The following KIF26B variants were observed in gnomAD, a reference collection of about 807,000 sequenced individuals.
KIF26B encodes kinesin family member 26B, also known as kinesin-like protein KIF26B.
Under a neutral mutation model 151.2 loss-of-function variants are expected in KIF26B, and 63 were observed. That is an observed-to-expected ratio of 0.42 (90% confidence interval 0.34 to 0.51). The LOEUF (loss-of-function observed/expected upper bound fraction) is 0.51. KIF26B is among the 20% of genes least tolerant of loss of function. KIF26B has a pLI of 0.07. For synonymous variants in KIF26B, 1,357 were observed against 1,262.1 expected, an observed-to-expected ratio of 1.08 and a Z score of -1.59; for missense variants, 2,813 against 2,913.6, an observed-to-expected ratio of 0.97 and a Z score of 0.79.
Position 245,407,044 on chromosome 1 carries a change from T to C in KIF26B, c.1000-12535T>C, listed in dbSNP as rs566345858. On this transcript the variant is annotated intron_variant, in intron 3 of 14. Transcript: ENST00000407071. ...CTCAAGTGATCTGCCTGCCTTGGCC[T>C]CCCAAAGTGCTGGGATGACAGGTGT... is the stretch of plus-strand genomic sequence containing the variant. 1.6e-4 allele frequency among the ~76,000 whole-genome samples: 25 copies of C among 152,328 alleles called. No individual in the cohort carries two copies. In the East Asian group the frequency reaches 4.6e-3, roughly 28 times the overall value.
Position 245,560,010 on chromosome 1 carries a change from G to T in KIF26B, c.1350+19060G>T, listed in dbSNP as rs1275313361. On this transcript the variant is annotated intron_variant, in intron 5 of 14. Coordinates refer to ENST00000407071, the MANE Select transcript of KIF26B (RefSeq NM_018012.4). This position sits in a 1 kb window ranked among gnomAD's most constrained non-coding sequence, Gnocchi z 4.3. The stretch of plus-strand genomic sequence containing the variant: ...ATCTGCTGTCGTCTCTGCCAGGGAT[G>T]CTCGTCTCTCATTCGTTTTTTTGGC... Among the ~76,000 whole-genome samples, 1 of 152,004 alleles carries T rather than the reference G, an allele frequency of 6.6e-6. No individual in the cohort carries two copies. The highest frequency in any genetic ancestry group is 1.5e-5 in the Non-Finnish European group (1 of 68,026).
chr1:245,532,248 CT>C (rs74163062), intron 4 of KIF26B, among the ~76,000 whole-genome samples: 35 of 121,454 alleles, frequency 2.9e-4, no homozygotes, highest in South Asian at 5.1e-4. Flanking sequence ...CTTTTCTTTT[CT>C]TTTTTTTTTT....
rs1000439240 is a variant in KIF26B, at chr1:245,667,760, C to T, written c.2259-16473C>T. On this transcript the variant is annotated intron_variant, in intron 10 of 14. Transcript: ENST00000407071. The surrounding 1 kb of genome is among the most constrained non-coding windows in gnomAD (Gnocchi z 4.3). ...ATCCAGGCAACTCACCAAGTCCCTT[C>T]GCAGCACTCCTGAAAAGCTCTGAGA... Among the ~76,000 whole-genome samples the T allele has an allele frequency of 3.9e-5, 6 of 152,308 alleles. No individual in the cohort carries two copies. The highest frequency in any genetic ancestry group is 3.9e-4 in the East Asian group (2 of 5,178).
intron 2 of KIF26B, among the ~76,000 whole-genome samples, chr1:245,171,911 GTC>G (rs1334706583): frequency 1.3e-5 from 2 of 152,172 alleles, no homozygotes; most frequent in South Asian, 2.1e-4. Flanking sequence ...GGCGTGTTTT[GTC>G]TGCTGCATGG....
At chr1:245,582,609 T>G (rs1286120555) in intron 5 of KIF26B, among the ~76,000 whole-genome samples, 1 of 152,128 alleles carries the variant, frequency 6.6e-6, no homozygotes, top group Non-Finnish European at 1.5e-5. Context: ...TTATATGCAA[T>G]AGGCTGGGCT....
At chr1:245,646,550 G>A (rs2043949206) in intron 10 of KIF26B, among the ~76,000 whole-genome samples, 1 of 152,256 alleles carries the variant, frequency 6.6e-6, no homozygotes, top group South Asian at 2.1e-4. Flanking sequence ...GTCTCCACTC[G>A]CAAATGAAGG....
At chr1:245,317,113 T>C (rs1671795056) in intron 2 of KIF26B, among the ~76,000 whole-genome samples, 1 of 152,220 alleles carries the variant, frequency 6.6e-6, no homozygotes, top group Non-Finnish European at 1.5e-5. Context: ...AAGAGGAAAA[T>C]AAATCTAGAA....
At chr1:245,277,515 C>T (rs892122728) in intron 2 of KIF26B, among the ~76,000 whole-genome samples, 7 of 152,222 alleles carry the variant, frequency 4.6e-5, no homozygotes, top group African/African-American at 1.7e-4. Context: ...GGGGAGTGTG[C>T]GAGGTGAAGG....
intron 3 of KIF26B, among the ~76,000 whole-genome samples, chr1:245,408,659 A>G (rs1212169551): frequency 6.6e-6 from 1 of 152,036 alleles, no homozygotes; most frequent in African/African-American, 2.4e-5. Flanking sequence ...CCGGCCCCAA[A>G]TGATTCTTTT....
chr1:245,576,234 A>G (rs1036482868), intron 5 of KIF26B, among the ~76,000 whole-genome samples: 1 of 151,976 alleles, frequency 6.6e-6, no homozygotes, highest in African/African-American at 2.4e-5. Flanking sequence ...TTGAACATAG[A>G]CTCCAGAGTT....
chr1:245,688,654 C>T lies in KIF26B; in HGVS notation c.5671C>T (p.His1891Tyr), dbSNP rs748712002. The T allele has an allele frequency of 6.2e-7, 1 of 1,604,448 alleles. No individual in the cohort carries two copies. Among genetic ancestry groups the T allele is most frequent in the Non-Finnish European group, 8.5e-7 (1 of 1,176,792 alleles). Reference protein sequence around the residue: ...PAMGKTALFYHSGGSSGYESV... With the variant: ...PAMGKTALFYYSGGSSGYESV... Reference sequence around the variant, plus strand: ...CATGGGGAAGACGGCCCTGTTCTACCACAGCGGCGGCAGCAGCGGCTACGA... The same window carrying T: ...CATGGGGAAGACGGCCCTGTTCTACTACAGCGGCGGCAGCAGCGGCTACGA... The change falls in exon 12 of 15, where the codon CAC becomes TAC. Residue 1891 changes from histidine to tyrosine, a missense_variant. His to Tyr is a moderately conservative substitution (Grantham distance 83). Around this residue, in one of 3 missense-constraint regions of KIF26B, gnomAD observed 2,060 missense variants for 2,088.6 expected, o/e 0.99. Transcript: ENST00000407071.
chr1:245,466,654 G>C (rs1485624114), intron 4 of KIF26B, among the ~76,000 whole-genome samples: 1 of 152,206 alleles, frequency 6.6e-6, no homozygotes, highest in Non-Finnish European at 1.5e-5. Flanking sequence ...GGCTGGGCGT[G>C]GTGGCTCACG....
intron 4 of KIF26B, among the ~76,000 whole-genome samples, chr1:245,474,520 T>C (rs931372880): frequency 6.6e-6 from 1 of 150,888 alleles, no homozygotes; most frequent in African/African-American, 2.4e-5. Context: ...CCAGTGATTC[T>C]CCTGCCTCAG....
Position 245,439,893 on chromosome 1 carries a change from A to C in KIF26B, c.1166+20148A>C, listed in dbSNP as rs1401253447. On this transcript the variant is annotated intron_variant, in intron 4 of 14. Coordinates refer to ENST00000407071, the MANE Select transcript of KIF26B (RefSeq NM_018012.4). ...GAAAGGTACCACCTTACCCTTGGGC[A>C]AAGTGAACACTTCTTTCAACCTAGA... Among the ~76,000 whole-genome samples, 6 of 152,240 alleles carry C rather than the reference A, an allele frequency of 3.9e-5. No homozygotes were observed. The East Asian group carries it at 9.6e-4, about 24-fold the overall frequency.
Position 245,684,317 on chromosome 1 carries a change from G to A in KIF26B, c.2343G>A (p.Ala781=), listed in dbSNP as rs201075952. The A allele has an allele frequency of 1.7e-4, 276 of 1,613,974 alleles. No individual in the cohort carries two copies. The highest frequency in any genetic ancestry group is 2.2e-4 in the Non-Finnish European group (262 of 1,179,870). ...RTTMIAHISA[A]VGSYAETLST... The stretch of plus-strand genomic sequence containing the variant: ...CCATGATCGCGCACATCTCGGCCGC[G>A]GTCGGGAGCTACGCGGAGACCCTGT... Residue 781 remains alanine, a synonymous_variant, in exon 11 of 15, where the codon GCG becomes GCA. Transcript: ENST00000407071.
intron 2 of KIF26B, among the ~76,000 whole-genome samples, chr1:245,284,965 G>A (rs1451124154): frequency 2.0e-5 from 3 of 152,270 alleles, no homozygotes; most frequent in Non-Finnish European, 4.4e-5. Context: ...CTTGAACCTG[G>A]GAGGTGGAGG....
At chr1:245,237,776 C>T (rs1558357097) in intron 2 of KIF26B, among the ~76,000 whole-genome samples, 1 of 152,144 alleles carries the variant, frequency 6.6e-6, no homozygotes, top group Non-Finnish European at 1.5e-5. Flanking sequence ...AATCCCAGCA[C>T]TTTGGGAGGC....
At chr1:245,181,694 C>T (rs554965081) in intron 2 of KIF26B, among the ~76,000 whole-genome samples, 5 of 152,040 alleles carry the variant, frequency 3.3e-5, no homozygotes, top group Admixed American at 6.6e-5. Flanking sequence ...TTGGTTTATT[C>T]CTTCGATTTC....
At chr1:245,373,876 A>T (rs1369136031) in intron 3 of KIF26B, among the ~76,000 whole-genome samples, 1 of 150,888 alleles carries the variant, frequency 6.6e-6, no homozygotes, top group Non-Finnish European at 1.5e-5. Context: ...CCTAGGCAAC[A>T]GAGTAAAACC....
Sources: gnomAD v4.1 joint callset for allele counts (sites outside exome capture counted in the v4.1 genomes callset) on GRCh38, gnomAD v4.1.1 for gene constraint, gnomAD v4.1.1 regional missense constraint, Gnocchi (gnomAD v3.1) non-coding constraint, MANE v1.5 for transcripts, NCBI Gene and HGNC (gene_info 2026-07-23, HGNC 2026-07-21) for gene names.